The following MYO3A variants were observed in gnomAD, a reference collection of about 807,000 sequenced individuals.
MYO3A encodes myosin IIIA.
A neutral mutation model predicts 192.7 loss-of-function variants in MYO3A; 180 were observed. The ratio of observed to expected loss-of-function variants is 0.93; its 90% CI spans 0.83 to 1.06. The LOEUF (loss-of-function observed/expected upper bound fraction) is 1.06, where lower values mean the gene tolerates loss of function less well. MYO3A is among the 50% of genes least tolerant of loss of function. The pLI, the probability that MYO3A is intolerant of heterozygous loss-of-function variation, is 0.00. For synonymous variants in MYO3A, 628 were observed against 645.3 expected (o/e 0.97, Z 0.41); for missense variants, 1,896 against 1,905.0 (o/e 1.00, Z 0.09).
At chr10:26,117,389 G>A (rs1052472952) in intron 17 of MYO3A, among the ~76,000 whole-genome samples, 10 of 152,102 alleles carry the variant, frequency 6.6e-5, no homozygotes, top group African/African-American at 2.2e-4. Flanking sequence ...CGTGTGTCAC[G>A]GGGGTTTGTT....
chr10:26,003,561 G>A (rs1269467884), intron 6 of MYO3A, among the ~76,000 whole-genome samples: 1 of 152,054 alleles, frequency 6.6e-6, no homozygotes, highest in African/African-American at 2.4e-5. Flanking sequence ...TGACAAGTGA[G>A]GTTATAAATA....
chr10:26,145,535 G>A lies in MYO3A; in HGVS notation c.2505+1G>A, dbSNP rs1840412059. On this transcript the variant is annotated splice_donor_variant, in intron 22 of 34. Coordinates refer to ENST00000642920, the MANE Select transcript of MYO3A (RefSeq NM_017433.5). LOFTEE classifies it high-confidence loss of function. The stretch of plus-strand genomic sequence containing the variant: ...TGGAATTCACCATTATGCAGGAAAG[G>A]TAAGAACTCTAAAGAATTATGACTG... 1.3e-6 allele frequency: 2 copies of A among 1,577,912 alleles called. No individual in the cohort carries two copies. The highest frequency in any genetic ancestry group is 1.1e-5 in the South Asian group (1 of 90,346).
At chr10:26,172,750 C>G (rs992844325) in intron 29 of MYO3A, among the ~76,000 whole-genome samples, 1 of 152,146 alleles carries the variant, frequency 6.6e-6, no homozygotes, top group African/African-American at 2.4e-5. Context: ...TGCTATGCCT[C>G]CTGTACTAGC....
At chr10:26,179,750 A>C (rs1048146335) in intron 31 of MYO3A, among the ~76,000 whole-genome samples, 1 of 152,236 alleles carries the variant, frequency 6.6e-6, no homozygotes, top group Non-Finnish European at 1.5e-5. Context: ...AAATATACGA[A>C]GTTACCTATT....
chr10:26,094,355 T>C (rs1836877174), intron 15 of MYO3A, among the ~76,000 whole-genome samples: 1 of 151,914 alleles, frequency 6.6e-6, no homozygotes. Flanking sequence ...TAAATACATA[T>C]GGATATATCT....
At chr10:26,205,512 G>A (rs1268927011) in intron 34 of MYO3A, among the ~76,000 whole-genome samples, 1 of 141,990 alleles carries the variant, frequency 7.0e-6, no homozygotes, top group East Asian at 2.0e-4. Context: ...GTGAGATCAT[G>A]CTATATTTGT....
intron 6 of MYO3A, among the ~76,000 whole-genome samples, chr10:26,000,510 GCTATCTCCTGAGGAAAGC>G (rs1840725899): frequency 1.3e-5 from 2 of 152,140 alleles, no homozygotes; most frequent in Admixed American, 6.5e-5. Flanking sequence ...TTATAGCAAG[GCTATCTCCTGAGGAAAGC>G]CTATCTCCTG....
chr10:26,081,133 TCC>T lies in MYO3A; in HGVS notation c.1360-7059_1360-7058del, dbSNP rs60099269. On this transcript the variant is annotated intron_variant, in intron 14 of 34. Transcript: ENST00000642920. ...TAGAATTCCCAAGATTATATGCCCT[TCC>T]CCCCCCCCCCGCCCCCGCTACCAGG... Among the ~76,000 whole-genome samples the T allele has an allele frequency of 1.8e-3, 155 of 84,956 alleles. 8 individuals are homozygous for T. The highest frequency in any genetic ancestry group is 2.7e-3 in the South Asian group (5 of 1,824). The allele number at this position is 84,956 out of a possible 152,430, so 55.7% of individuals were successfully genotyped here.
chr10:26,119,200 C>T (rs1331487657), intron 17 of MYO3A, among the ~76,000 whole-genome samples: 1 of 152,184 alleles, frequency 6.6e-6, no homozygotes, highest in Non-Finnish European at 1.5e-5. Context: ...CCTGCCCATC[C>T]TTTCCCAGGA....
intron 20 of MYO3A, among the ~76,000 whole-genome samples, chr10:26,138,363 C>T (rs1372306189): frequency 6.6e-6 from 1 of 152,206 alleles, no homozygotes; most frequent in Non-Finnish European, 1.5e-5. Context: ...TCTAGTCCAT[C>T]TTCCCAACTA....
intron 15 of MYO3A, among the ~76,000 whole-genome samples, chr10:26,095,323 A>G (rs1041627349): frequency 4.6e-5 from 7 of 152,124 alleles, no homozygotes; most frequent in Non-Finnish European, 1.0e-4. Flanking sequence ...CTCTGCCCCA[A>G]CCCCAGCCTG....
At chr10:26,109,031 T>C (rs1291181983) in intron 17 of MYO3A, among the ~76,000 whole-genome samples, 1 of 152,200 alleles carries the variant, frequency 6.6e-6, no homozygotes, top group Non-Finnish European at 1.5e-5. Flanking sequence ...CAGACAGTTA[T>C]TTGATAGAAC....
chr10:26,071,245 T>C (rs1564519233), intron 14 of MYO3A, among the ~76,000 whole-genome samples: 1 of 152,148 alleles, frequency 6.6e-6, no homozygotes, highest in Non-Finnish European at 1.5e-5. Flanking sequence ...TCATATATGG[T>C]TTATTGATTT....
intron 34 of MYO3A, among the ~76,000 whole-genome samples, chr10:26,211,206 T>C (rs910797078): frequency 1.3e-5 from 2 of 152,214 alleles, no homozygotes; most frequent in African/African-American, 2.4e-5. Context: ...AATGAATCTA[T>C]GTAGCTGCAT....
In MYO3A at chr10:26,177,222, G is replaced by C. The variant is rs947914742; in HGVS notation, c.4438+377G>C. Among the ~76,000 whole-genome samples the C allele has an allele frequency of 5.3e-5, 8 of 152,264 alleles. No homozygotes were observed. The East Asian group carries it at 1.2e-3, about 22-fold the overall frequency. ...CCTTTGTCAACATCTGCAACCTTGA[G>C]TATAGAGTGTGGAAGGTGCAAAACC... On this transcript the variant is annotated intron_variant, in intron 31 of 34. Coordinates refer to ENST00000642920, the MANE Select transcript of MYO3A (RefSeq NM_017433.5).
intron 26 of MYO3A, among the ~76,000 whole-genome samples, chr10:26,164,579 G>A (rs1280885169): frequency 6.6e-6 from 1 of 152,142 alleles, no homozygotes; most frequent in East Asian, 1.9e-4. Context: ...GAAGAAGAGA[G>A]GAAAGTGGCC....
intron 4 of MYO3A, among the ~76,000 whole-genome samples, chr10:25,983,585 A>C (rs1839469320): frequency 6.6e-6 from 1 of 152,198 alleles, no homozygotes; most frequent in Non-Finnish European, 1.5e-5. Context: ...AAGTGAATAA[A>C]GCCTCCAAGA....
At chr10:25,984,577 A>G (rs1839532724) in intron 4 of MYO3A, among the ~76,000 whole-genome samples, 1 of 152,136 alleles carries the variant, frequency 6.6e-6, no homozygotes, top group Non-Finnish European at 1.5e-5. Flanking sequence ...GTCTCTGTAC[A>G]GGGAAGCTGT....
At chr10:25,989,992 G>A (rs1020380902) in intron 4 of MYO3A, among the ~76,000 whole-genome samples, 2 of 152,112 alleles carry the variant, frequency 1.3e-5, no homozygotes, top group South Asian at 2.1e-4. Context: ...TCACTGGGAC[G>A]TTCTCTTGTT....
Sources: gnomAD v4.1 joint callset for allele counts (sites outside exome capture counted in the v4.1 genomes callset) on GRCh38, gnomAD v4.1.1 for gene constraint, MANE v1.5 for transcripts, NCBI Gene and HGNC (gene_info 2026-07-23, HGNC 2026-07-21) for gene names.